The following PXDNL variants were observed in gnomAD, a reference collection of about 807,000 sequenced individuals.
PXDNL encodes peroxidasin like, also known as probable oxidoreductase PXDNL.
A neutral mutation model predicts 150.8 loss-of-function variants in PXDNL; 145 were observed. The observed-to-expected ratio is 0.96, with a 90% CI of 0.84 to 1.10. The LOEUF (loss-of-function observed/expected upper bound fraction) is 1.10. Among genes scored for constraint, PXDNL ranks in the 50% least tolerant of loss-of-function variants. The pLI is 0.00. For missense variants in PXDNL, 2,087 were observed against 1,873.9 expected (o/e 1.11, Z -2.10); for synonymous variants, 757 against 725.7 (o/e 1.04, Z -0.69).
intron 19 of PXDNL, among the ~76,000 whole-genome samples, chr8:51,347,997 G>T (rs1381110431): frequency 6.6e-6 from 1 of 152,110 alleles, no homozygotes; most frequent in Non-Finnish European, 1.5e-5. Context: ...TTTCTGAATA[G>T]CACACAGCTT....
chr8:51,386,253 C>T (rs1186120956), intron 17 of PXDNL, among the ~76,000 whole-genome samples: 3 of 151,940 alleles, frequency 2.0e-5, no homozygotes, highest in Admixed American at 6.6e-5. Context: ...CCACCATGCC[C>T]GGCTAATTTT....
Position 51,320,915 on chromosome 8 carries a change from G to C in PXDNL, c.4147-18C>G. On this transcript the variant is annotated intron_variant, in intron 21 of 22. Coordinates refer to ENST00000356297, the MANE Select transcript of PXDNL (RefSeq NM_144651.5). ...TTGTTTATCTGAAAGGGGAGGCAAA[G>C]GAAAGAAGAGTGGAAATTGAAGCGG... 6.4e-7 allele frequency: 1 copy of C among 1,573,504 alleles called. No homozygotes were observed. Among genetic ancestry groups the C allele is most frequent in the Non-Finnish European group, 8.7e-7 (1 of 1,143,982 alleles).
At chr8:51,706,604 T>C (rs1192045959) in intron 1 of PXDNL, among the ~76,000 whole-genome samples, 1 of 152,180 alleles carries the variant, frequency 6.6e-6, no homozygotes. Context: ...CATTTTCTTA[T>C]GCAAATGAAG....
chr8:51,770,388 A>G (rs2037279919), intron 1 of PXDNL, among the ~76,000 whole-genome samples: 1 of 152,184 alleles, frequency 6.6e-6, no homozygotes, highest in African/African-American at 2.4e-5. Context: ...ATAGTAAAGC[A>G]AAAACGGGGC....
At chr8:51,493,408 C>G (rs747811577) in intron 5 of PXDNL, among the ~76,000 whole-genome samples, 1 of 152,192 alleles carries the variant, frequency 6.6e-6, no homozygotes, top group Non-Finnish European at 1.5e-5. Flanking sequence ...AGCTCCTCAC[C>G]AGCAACGGAA....
chr8:51,730,064 A>G (rs1305745487), intron 1 of PXDNL, among the ~76,000 whole-genome samples: 2 of 152,220 alleles, frequency 1.3e-5, no homozygotes, highest in Non-Finnish European at 2.9e-5. Context: ...ATGCCATTAC[A>G]CGTCAGTCAA....
chr8:51,495,386 C>A (rs978469241), intron 5 of PXDNL, among the ~76,000 whole-genome samples: 1 of 151,894 alleles, frequency 6.6e-6, no homozygotes, highest in Non-Finnish European at 1.5e-5. Context: ...AAAGCAAGAG[C>A]AAACACATTC....
intron 12 of PXDNL, among the ~76,000 whole-genome samples, chr8:51,435,273 A>G (rs1188486075): frequency 3.3e-5 from 5 of 152,088 alleles, no homozygotes; most frequent in Non-Finnish European, 7.4e-5. Context: ...GTGAGCCACG[A>G]TCACGCCACT....
chr8:51,449,385 C>T (rs980754830), intron 10 of PXDNL, among the ~76,000 whole-genome samples: 2 of 152,298 alleles, frequency 1.3e-5, no homozygotes, highest in Admixed American at 6.5e-5. Flanking sequence ...CAGCTGTTTC[C>T]CATGATTGAA....
chr8:51,613,484 C>G (rs60955837), intron 2 of PXDNL, among the ~76,000 whole-genome samples: 2,250 of 34,270 alleles, frequency 0.066, 73 homozygotes, highest in African/African-American at 0.11. Context: ...CTTAAGGGGG[C>G]GGGGGGGGGG....
intron 12 of PXDNL, among the ~76,000 whole-genome samples, chr8:51,438,334 C>CAA (rs113117803): frequency 2.0e-5 from 3 of 151,782 alleles, no homozygotes; most frequent in African/African-American, 4.8e-5. Context: ...CATATGGAAG[C>CAA]AAAAAAAGCC....
At chr8:51,795,835 T>C (rs1262517027) in intron 1 of PXDNL, among the ~76,000 whole-genome samples, 1 of 152,190 alleles carries the variant, frequency 6.6e-6, no homozygotes, top group Non-Finnish European at 1.5e-5. Flanking sequence ...AGACTTACAT[T>C]TATTCAGTAA....
At chr8:51,627,531 AT>A (rs1814389428) in intron 2 of PXDNL, among the ~76,000 whole-genome samples, 1 of 152,210 alleles carries the variant, frequency 6.6e-6, no homozygotes. Context: ...AATAAAAAAA[AT>A]ACCATGAGAC....
intron 19 of PXDNL, among the ~76,000 whole-genome samples, chr8:51,360,965 A>C (rs1353742691): frequency 1.3e-5 from 2 of 152,202 alleles, no homozygotes; most frequent in Non-Finnish European, 2.9e-5. Flanking sequence ...TTAAATTTGC[A>C]TAAGGTTTTT....
rs113174665 is a variant in PXDNL, at chr8:51,396,370, C to T, written c.3557+11697G>A. On this transcript the variant is annotated intron_variant, in intron 17 of 22. Coordinates refer to ENST00000356297, the MANE Select transcript of PXDNL (RefSeq NM_144651.5). Reference sequence around the variant, plus strand: ...GACCCACTGTCCCCAGAGGCCTTCCCGACCAGAGTGCAGAGCGCCTGTGTC... The same window carrying T: ...GACCCACTGTCCCCAGAGGCCTTCCTGACCAGAGTGCAGAGCGCCTGTGTC... Among the ~76,000 whole-genome samples, 1,033 of 152,348 alleles carry T rather than the reference C, an allele frequency of 6.8e-3. 8 individuals carry two copies. The highest frequency in any genetic ancestry group is 0.023 in the African/African-American group (975 of 41,572).
intron 9 of PXDNL, among the ~76,000 whole-genome samples, chr8:51,454,553 T>G (rs1386095723): frequency 6.6e-6 from 1 of 152,178 alleles, no homozygotes; most frequent in Non-Finnish European, 1.5e-5. Flanking sequence ...CTCTTACAAA[T>G]TCATAGGAGT....
chr8:51,534,214 C>T (rs1258894518), intron 4 of PXDNL, among the ~76,000 whole-genome samples: 1 of 138,044 alleles, frequency 7.2e-6, no homozygotes, highest in East Asian at 2.2e-4. Flanking sequence ...TGCCCGGCCG[C>T]CCCGTCTGAG....
intron 1 of PXDNL, among the ~76,000 whole-genome samples, chr8:51,681,064 G>T (rs1476183991): frequency 6.6e-6 from 1 of 152,120 alleles, no homozygotes; most frequent in Non-Finnish European, 1.5e-5. Context: ...GCCAGAAGGG[G>T]ATCTTAAGAC....
chr8:51,483,780 C>T, intron 5 of PXDNL, 66 bp from the exon 6 acceptor site: 1 of 932,186 alleles, frequency 1.1e-6, no homozygotes, highest in Non-Finnish European at 1.6e-6. Flanking sequence ...CAAAACCTTT[C>T]TTTCACCTAA....
Sources: allele counts gnomAD v4.1 joint callset (sites outside exome capture counted in the v4.1 genomes callset), GRCh38; gene constraint gnomAD v4.1.1; transcripts MANE v1.5; gene names NCBI Gene and HGNC (gene_info 2026-07-23, HGNC 2026-07-21).